NAA11: variants seen among roughly 807,000 people sequenced by gnomAD.
NAA11 encodes N-alpha-acetyltransferase 11, NatA catalytic subunit.
Under a neutral mutation model 16.1 loss-of-function variants are expected in NAA11, and 15 were observed. That is an observed-to-expected ratio of 0.93 (90% confidence interval 0.62 to 1.44). The LOEUF (loss-of-function observed/expected upper bound fraction) is 1.44, where lower values mean the gene tolerates loss of function less well. Ranked by LOEUF, NAA11 falls within the 40% of genes most tolerant of loss-of-function variation. The pLI is 0.00. For synonymous variants in NAA11, 122 were observed against 112.4 expected, an observed-to-expected ratio of 1.09 and a Z score of -0.54; for missense variants, 298 against 291.3, an observed-to-expected ratio of 1.02 and a Z score of -0.17.
At chr4:79,227,268 A>G (rs894553097) in intron 2 of NAA11, 1 of 152,068 alleles carries the variant, frequency 6.6e-6, no homozygotes, top group African/African-American at 2.4e-5. Context: ...TCATCTGACA[A>G]AAGGCTAATA....
chr4:79,203,874 G>C, the NAA11 span, among the ~76,000 whole-genome samples: 3 of 151,482 alleles, frequency 2.0e-5, no homozygotes, highest in Non-Finnish European at 4.4e-5. Context: ...ATATGAACAG[G>C]CAATCTCAAA....
At chr4:79,256,303 C>T (rs2109970953) in intron 2 of NAA11, among the ~76,000 whole-genome samples, 1 of 152,034 alleles carries the variant, frequency 6.6e-6, no homozygotes, top group East Asian at 1.9e-4. Flanking sequence ...AGTAATTTCT[C>T]CTGTATGAAA....
At chr4:79,204,394 A>T in the NAA11 span, among the ~76,000 whole-genome samples, 1 of 151,904 alleles carries the variant, frequency 6.6e-6, no homozygotes, top group Admixed American at 6.6e-5. Flanking sequence ...AAATCAGGTT[A>T]CTACACAGTA....
chr4:79,300,874 C>T (rs1003641562), intron 1 of NAA11, among the ~76,000 whole-genome samples: 1 of 152,004 alleles, frequency 6.6e-6, no homozygotes, highest in African/African-American at 2.4e-5. Flanking sequence ...AATAGCAGTT[C>T]GTGTCAGGTA....
In NAA11 at chr4:79,305,286, C is replaced by G. The variant is rs573668990; in HGVS notation, c.*13-11172G>C. 2.6e-5 allele frequency: 4 copies of G among 152,300 alleles called. No homozygotes were observed. The South Asian group carries it at 8.3e-4, about 32-fold the overall frequency. The allele number at this position is 152,300 out of a possible 1,614,324, so 9.4% of individuals were successfully genotyped here. A position where few individuals can be genotyped will look rare whatever the true frequency, so the allele number is the denominator to read the frequency against. Reference sequence around the variant, plus strand: ...CTAAGGTAAAATACTTTACATAGATCTTAAATATTTATCCAAAAATCTTGG... The same window carrying G: ...CTAAGGTAAAATACTTTACATAGATGTTAAATATTTATCCAAAAATCTTGG... On this transcript the variant is annotated intron_variant and NMD_transcript_variant, in intron 1 of 2. Transcript: ENST00000511542.
chr4:79,183,024 T>A, the NAA11 span, among the ~76,000 whole-genome samples: 1 of 152,170 alleles, frequency 6.6e-6, no homozygotes, highest in East Asian at 1.9e-4. Context: ...TTTAGAAAAT[T>A]ACTTTTCTTG....
chr4:79,166,035 A>C, the NAA11 span, among the ~76,000 whole-genome samples: 1 of 152,180 alleles, frequency 6.6e-6, no homozygotes, highest in East Asian at 1.9e-4. Context: ...CTGTTATTTT[A>C]CCTATAGGTG....
intron 2 of NAA11, chr4:79,244,862 G>C (rs1721773762): frequency 6.3e-6 from 1 of 158,970 alleles, no homozygotes; most frequent in Non-Finnish European, 1.4e-5. Flanking sequence ...TCCTGACCTC[G>C]AGTGATCTGC....
At chr4:79,184,917 T>A in the NAA11 span, among the ~76,000 whole-genome samples, 1 of 152,200 alleles carries the variant, frequency 6.6e-6, no homozygotes, top group South Asian at 2.1e-4. Context: ...ATTTTGTAGA[T>A]GAAAACAATT....
intron 2 of NAA11, among the ~76,000 whole-genome samples, chr4:79,254,216 C>T (rs756587032): frequency 2.0e-5 from 3 of 152,206 alleles, no homozygotes; most frequent in Admixed American, 6.5e-5. Flanking sequence ...GTTTATCTAT[C>T]GCATGTCCAT....
intron 1 of NAA11, among the ~76,000 whole-genome samples, chr4:79,318,634 T>C (rs1723999798): frequency 6.6e-6 from 1 of 152,220 alleles, no homozygotes; most frequent in Non-Finnish European, 1.5e-5. Context: ...TAAGAGGTAA[T>C]ACTATGTAAA....
chr4:79,300,844 C>A (rs1038715422), intron 1 of NAA11, among the ~76,000 whole-genome samples: 1 of 152,006 alleles, frequency 6.6e-6, no homozygotes, highest in African/African-American at 2.4e-5. Context: ...ATTAGAGAAG[C>A]CATATTTTAA....
At chr4:79,247,381 G>A (rs1721864357) in intron 2 of NAA11, among the ~76,000 whole-genome samples, 2 of 152,056 alleles carry the variant, frequency 1.3e-5, no homozygotes, top group Admixed American at 1.3e-4. Context: ...AGTTTTCCCT[G>A]TATTGGCTTC....
At chr4:79,209,444 T>C in the NAA11 span, among the ~76,000 whole-genome samples, 1,726 of 152,174 alleles carry the variant, frequency 0.011, 34 homozygotes, top group African/African-American at 0.04. Flanking sequence ...TTCAGGCCAT[T>C]AAAGGCTATT....
chr4:79,168,992 A>G, the NAA11 span, among the ~76,000 whole-genome samples: 1 of 152,136 alleles, frequency 6.6e-6, no homozygotes, highest in Non-Finnish European at 1.5e-5. Context: ...TCATGAGTGA[A>G]CTCCCATTCA....
chr4:79,234,118 G>A (rs1278356192), intron 2 of NAA11, among the ~76,000 whole-genome samples: 3 of 152,022 alleles, frequency 2.0e-5, no homozygotes, highest in East Asian at 1.9e-4. Flanking sequence ...AGATAAGACC[G>A]CAAAACCAAT....
intron 2 of NAA11, among the ~76,000 whole-genome samples, chr4:79,271,539 T>C (rs1392712335): frequency 6.6e-6 from 1 of 152,048 alleles, no homozygotes; most frequent in Admixed American, 6.6e-5. Context: ...AGAAAATCTG[T>C]GCCATTGATA....
At chr4:79,322,028 C>T (rs146234688) in intron 1 of NAA11, among the ~76,000 whole-genome samples, 1 of 152,202 alleles carries the variant, frequency 6.6e-6, no homozygotes, top group Non-Finnish European at 1.5e-5. Context: ...CACCACCACA[C>T]TGATGACCCA....
At chr4:79,196,968 A>AAAAAAAAAAAAAAAAAAAAAAAAAG in the NAA11 span, among the ~76,000 whole-genome samples, 1 of 146,458 alleles carries the variant, frequency 6.8e-6, no homozygotes, top group African/African-American at 2.6e-5. Context: ...AAAAAAAAAA[A>AAAAAAAAAAAAAAAAAAAAAAAAAG]AAAAAAAAAA....
Sources: gnomAD v4.1 joint callset for allele counts (sites outside exome capture counted in the v4.1 genomes callset) on GRCh38, gnomAD v4.1.1 for gene constraint, MANE v1.5 for transcripts, NCBI Gene and HGNC (gene_info 2026-07-23, HGNC 2026-07-21) for gene names.